Variants in NTRK2 observed in about 807,000 individuals in gnomAD.
NTRK2 encodes BDNF/NT-3 growth factors receptor.
In NTRK2, 13 loss-of-function variants were observed where a neutral mutation model predicts 94.5. The observed-to-expected ratio is 0.14, with a 90% CI of 0.09 to 0.22. The LOEUF is 0.22. NTRK2 is among the 10% of genes least tolerant of loss of function. The pLI is 1.00. For synonymous variants in NTRK2, 372 were observed against 407.4 expected (o/e 0.91, Z 1.05); for missense variants, 639 against 1,071.2 (o/e 0.60, Z 5.63).
At chr9:85,013,364 G>A (rs971371734) in intron 17 of NTRK2, among the ~76,000 whole-genome samples, 6 of 152,078 alleles carry the variant, frequency 3.9e-5, no homozygotes, top group Admixed American at 1.3e-4. Context: ...ATGCAGTGGC[G>A]TGATGTTGGC....
At chr9:84,704,458 C>G (rs1211029222) in intron 4 of NTRK2, among the ~76,000 whole-genome samples, 3 of 151,858 alleles carry the variant, frequency 2.0e-5, no homozygotes, top group African/African-American at 7.3e-5. Flanking sequence ...GATCTCCTGA[C>G]CTTGTGATCT....
intron 14 of NTRK2, among the ~76,000 whole-genome samples, chr9:84,898,752 GA>G (rs1211883230): frequency 6.6e-6 from 1 of 151,840 alleles, no homozygotes; most frequent in African/African-American, 2.4e-5. Context: ...GCCCAGGCTG[GA>G]GTGCAATGGT....
At position 84,815,437 on chromosome 9, in the gene NTRK2, G is replaced by A. The variant is rs181915969; in HGVS notation, c.1397-45603G>A. On this transcript the variant is annotated intron_variant, in intron 12 of 18. Coordinates refer to ENST00000277120, the MANE Select transcript of NTRK2 (RefSeq NM_006180.6). The stretch of plus-strand genomic sequence containing the variant: ...AAGTAACAAGAGATTCCTAAGAAAC[G>A]CAAATCCTTGAGTTTCACGCACTTC... 3.0e-4 allele frequency: 313 copies of A among 1,041,554 alleles called. No homozygotes were observed. The African/African-American group carries it at 3.6e-3, about 12-fold the overall frequency. 64.5% of individuals were successfully genotyped at this position (1,041,554 alleles called of 1,614,324 possible).
intron 14 of NTRK2, chr9:84,874,405 T>A (rs1490092891): frequency 1.9e-6 from 2 of 1,065,480 alleles, no homozygotes; most frequent in Non-Finnish European, 2.3e-6. Context: ...CTGTCTTTAC[T>A]AATTCTGCCA....
chr9:84,707,120 C>G (rs1335243362), intron 4 of NTRK2, among the ~76,000 whole-genome samples: 1 of 152,040 alleles, frequency 6.6e-6, no homozygotes, highest in Non-Finnish European at 1.5e-5. Context: ...ATTGGAAACT[C>G]TTTTATAGAA....
chr9:84,723,938 C>A (rs554111466), intron 7 of NTRK2, among the ~76,000 whole-genome samples: 1 of 152,296 alleles, frequency 6.6e-6, no homozygotes, highest in African/African-American at 2.4e-5. Flanking sequence ...CTCTATATCC[C>A]TAGTGAGCTC....
chr9:84,788,093 A>G (rs968180057), intron 12 of NTRK2, among the ~76,000 whole-genome samples: 1 of 152,220 alleles, frequency 6.6e-6, no homozygotes, highest in Non-Finnish European at 1.5e-5. Context: ...ATCAGGTATT[A>G]CTATGGTACA....
rs1286603438 is a variant in NTRK2, at chr9:84,698,687, A to G, written c.213-3472A>G. ...ATTTCAGAGAAATTTCATCACATCC[A>G]TAGAAATGTTTTACATTGTTAGACT... is the stretch of plus-strand genomic sequence containing the variant. On this transcript the variant is annotated intron_variant, in intron 2 of 18. Coordinates refer to ENST00000277120, the MANE Select transcript of NTRK2 (RefSeq NM_006180.6). Among the ~76,000 whole-genome samples, 3 of 152,242 alleles carry G rather than the reference A, an allele frequency of 2.0e-5. No homozygotes were observed. The East Asian group carries it at 5.8e-4, about 29-fold the overall frequency.
chr9:84,902,555 A>G (rs1428145146), intron 14 of NTRK2, among the ~76,000 whole-genome samples: 1 of 152,222 alleles, frequency 6.6e-6, no homozygotes, highest in Non-Finnish European at 1.5e-5. Context: ...TTTGCAAATA[A>G]ATAAATACAT....
At chr9:85,002,536 A>T (rs910062343) in intron 17 of NTRK2, among the ~76,000 whole-genome samples, 3 of 152,176 alleles carry the variant, frequency 2.0e-5, no homozygotes, top group African/African-American at 7.2e-5. Flanking sequence ...AACTTCAGTG[A>T]TTTAATTTAG....
intron 14 of NTRK2, among the ~76,000 whole-genome samples, chr9:84,923,045 C>A (rs1448755202): frequency 6.6e-6 from 1 of 152,210 alleles, no homozygotes; most frequent in South Asian, 2.1e-4. Flanking sequence ...TTGCCTGTGA[C>A]CCTCCACCTT....
At chr9:84,844,275 G>C (rs2074346053) in intron 12 of NTRK2, among the ~76,000 whole-genome samples, 1 of 152,236 alleles carries the variant, frequency 6.6e-6, no homozygotes, top group Admixed American at 6.5e-5. Context: ...GCCTGGGCCA[G>C]AGTGCTGGCT....
In NTRK2 at chr9:84,870,228, G is replaced by A. The variant is rs147082919; in HGVS notation, c.1633+2797G>A. On this transcript the variant is annotated intron_variant, in intron 14 of 18. Coordinates refer to ENST00000277120, the MANE Select transcript of NTRK2 (RefSeq NM_006180.6). ...TACCTATATGCACACATATAGGTAT[G>A]TGTACATATATAAGTATATGTACAC... is the stretch of plus-strand genomic sequence containing the variant. Among the ~76,000 whole-genome samples the A allele has an allele frequency of 5.6e-3, 766 of 136,244 alleles. 6 individuals are homozygous for A. Among genetic ancestry groups the A allele is most frequent in the African/African-American group, 0.019 (688 of 36,452 alleles). 89.4% of individuals were successfully genotyped at this position (136,244 alleles called of 152,430 possible).
intron 2 of NTRK2, among the ~76,000 whole-genome samples, chr9:84,692,810 T>C (rs368874268): frequency 7.9e-5 from 12 of 152,272 alleles, no homozygotes; most frequent in African/African-American, 2.6e-4. Flanking sequence ...TAGCATTTAT[T>C]TGATGAGGTT....
chr9:84,839,261 C>T (rs2074041723), intron 12 of NTRK2, among the ~76,000 whole-genome samples: 1 of 152,168 alleles, frequency 6.6e-6, no homozygotes, highest in Non-Finnish European at 1.5e-5. Context: ...ATAATGCAGA[C>T]CACAGATGAG....
At position 85,026,934 on chromosome 9, in the gene NTRK2, A is replaced by C. The variant is rs542255547; in HGVS notation, c.*5497A>C. 38 of 232,780 alleles carry C rather than the reference A, an allele frequency of 1.6e-4. No homozygotes were observed. The highest frequency in any genetic ancestry group is 1.7e-5 in the Non-Finnish European group (2 of 117,788). The allele number at this position is 232,780 out of a possible 1,614,324, so 14.4% of individuals were successfully genotyped here. A position where few individuals can be genotyped will look rare whatever the true frequency, so the allele number is the denominator to read the frequency against. ...GTGACACCTGAATACAGTGTTTAAA[A>C]AAAAAAAAGTTTTGTTTGTAAATCA... is the stretch of plus-strand genomic sequence containing the variant. On this transcript the variant is annotated 3_prime_UTR_variant, in exon 19 of 19. Coordinates refer to ENST00000277120, the MANE Select transcript of NTRK2 (RefSeq NM_006180.6).
intron 12 of NTRK2, among the ~76,000 whole-genome samples, chr9:84,809,936 G>A (rs1033525950): frequency 2.3e-4 from 34 of 148,516 alleles, no homozygotes; most frequent in Non-Finnish European, 4.6e-4. Context: ...TATTTGTATT[G>A]TCTAGTATTT....
chr9:84,841,573 T>C (rs1051924228), intron 12 of NTRK2, among the ~76,000 whole-genome samples: 2 of 152,224 alleles, frequency 1.3e-5, no homozygotes, highest in African/African-American at 4.8e-5. Flanking sequence ...GCTCCCTCTT[T>C]CTGGAATGTT....
At chr9:84,877,470 G>A in intron 14 of NTRK2, 1 of 1,066,028 alleles carries the variant, frequency 9.4e-7, no homozygotes. Flanking sequence ...GCTGGCTAAT[G>A]GGCACTACAT....
Sources: gnomAD v4.1 joint callset for allele counts (sites outside exome capture counted in the v4.1 genomes callset) on GRCh38, gnomAD v4.1.1 for gene constraint, MANE v1.5 for transcripts, NCBI Gene and HGNC (gene_info 2026-07-23, HGNC 2026-07-21) for gene names.